Variants in NRG3 observed in about 807,000 individuals in gnomAD.
NRG3 encodes the protein neuregulin 3, also known as pro-neuregulin-3, membrane-bound isoform.
In NRG3, 31 loss-of-function variants were observed where a neutral mutation model predicts 66.9. The ratio of observed to expected loss-of-function variants is 0.46; its 90% confidence interval spans 0.35 to 0.63. The LOEUF (loss-of-function observed/expected upper bound fraction) is 0.63, where lower values mean the gene tolerates loss of function less well. Ranked by LOEUF, NRG3 falls within the 20% of genes least tolerant of loss-of-function variation. The pLI is 0.00. For synonymous variants in NRG3, 393 were observed against 359.4 expected (o/e 1.09, Z -1.06); for missense variants, 910 against 878.9 (o/e 1.04, Z -0.45).
At chr10:81,903,974 GTATATA>G (rs71007284) in intron 1 of NRG3, among the ~76,000 whole-genome samples, 22,488 of 143,374 alleles carry the variant, frequency 0.16, 2,290 homozygotes, top group East Asian at 0.34. Flanking sequence ...TTCAGAGTGT[GTATATA>G]TATATATATA....
intron 3 of NRG3, among the ~76,000 whole-genome samples, chr10:82,768,804 G>A (rs1286464783): frequency 6.6e-6 from 1 of 151,966 alleles, no homozygotes; most frequent in Non-Finnish European, 1.5e-5. Flanking sequence ...CAAGGCTTTT[G>A]ACAGAAAATC....
intron 1 of NRG3, among the ~76,000 whole-genome samples, chr10:82,089,379 A>G (rs1335848214): frequency 3.9e-5 from 6 of 152,124 alleles, no homozygotes; most frequent in African/African-American, 1.4e-4. Context: ...TGCTGGTATG[A>G]GGCAATCTGT....
intron 1 of NRG3, among the ~76,000 whole-genome samples, chr10:81,914,769 C>CAAAAAA (rs58460918): frequency 5.5e-4 from 37 of 67,154 alleles, no homozygotes; most frequent in African/African-American, 9.2e-4. Flanking sequence ...AAACAGAAAG[C>CAAAAAA]AAAAAAAAAA....
chr10:81,983,788 T>C (rs555726515), intron 1 of NRG3, among the ~76,000 whole-genome samples: 1 of 152,298 alleles, frequency 6.6e-6, no homozygotes, highest in South Asian at 2.1e-4. Context: ...TCAATCTCAG[T>C]TTATAACTGT....
chr10:82,185,203 G>A (rs2073722918), intron 1 of NRG3, among the ~76,000 whole-genome samples: 1 of 151,878 alleles, frequency 6.6e-6, no homozygotes, highest in Non-Finnish European at 1.5e-5. Flanking sequence ...GTAATGAAAG[G>A]AAACAAAAGA....
intron 1 of NRG3, among the ~76,000 whole-genome samples, chr10:82,197,752 C>T (rs1440380596): frequency 6.6e-6 from 1 of 152,118 alleles, no homozygotes; most frequent in Non-Finnish European, 1.5e-5. Context: ...TATTCTAGAA[C>T]TTAATTGATT....
At chr10:82,041,013 C>T (rs748353511) in intron 1 of NRG3, among the ~76,000 whole-genome samples, 3 of 152,016 alleles carry the variant, frequency 2.0e-5, no homozygotes, top group Non-Finnish European at 1.5e-5. Context: ...TGCATATCAG[C>T]TGATTTTAGG....
chr10:82,137,763 C>T (rs2069476868), intron 1 of NRG3, among the ~76,000 whole-genome samples: 1 of 152,204 alleles, frequency 6.6e-6, no homozygotes, highest in African/African-American at 2.4e-5. Flanking sequence ...GCCTGAGGCT[C>T]TGCTGAGCAC....
intron 1 of NRG3, among the ~76,000 whole-genome samples, chr10:82,248,484 A>G (rs78153273): frequency 2.0e-5 from 3 of 152,266 alleles, no homozygotes; most frequent in East Asian, 1.9e-4. Context: ...TTCCTGGTCC[A>G]TGACCTCTCC....
rs59452570 is a variant in NRG3 at position 82,400,570 on chromosome 10, C to CTT, written c.953+41716_953+41717dup. 1.7e-3 allele frequency among the ~76,000 whole-genome samples: 232 copies of CTT among 139,888 alleles called. 1 individual carries two copies. Among genetic ancestry groups the CTT allele is most frequent in the African/African-American group, 4.3e-3 (164 of 37,782 alleles). 91.8% of individuals were successfully genotyped at this position (139,888 alleles called of 152,430 possible). A position where few individuals can be genotyped will look rare whatever the true frequency, so the allele number is the denominator to read the frequency against. On this transcript the variant is annotated intron_variant, in intron 2 of 8. Transcript: ENST00000372141. ...CTCGGTCAAGTACATGAGGCAGATT[C>CTT]TTTTTTTTTTTTTTTGAGACAGAGT...
chr10:82,386,072 T>C lies in NRG3; in HGVS notation c.953+27204T>C, dbSNP rs138218309. Among the ~76,000 whole-genome samples, 817 of 152,296 alleles carry C rather than the reference T, an allele frequency of 5.4e-3. 7 individuals carry two copies. Among genetic ancestry groups the C allele is most frequent in the African/African-American group, 0.019 (795 of 41,584 alleles). The stretch of plus-strand genomic sequence containing the variant: ...TTCCATGAGGCTTTTCCATCAAATA[T>C]AAATTTTTATATAGTTTAAGCACAT... On this transcript the variant is annotated intron_variant, in intron 2 of 8. Transcript: ENST00000372141.
At chr10:82,318,132 T>G (rs1194090043) in intron 1 of NRG3, among the ~76,000 whole-genome samples, 1 of 151,976 alleles carries the variant, frequency 6.6e-6, no homozygotes, top group African/African-American at 2.4e-5. Context: ...TGGCAAAAAT[T>G]TAACAGAAAC....
At position 82,936,682 on chromosome 10, in the gene NRG3, T is replaced by G. The variant is rs1390039625; in HGVS notation, c.1055-14787T>G. On this transcript the variant is annotated intron_variant, in intron 4 of 8. Transcript: ENST00000372141. The stretch of plus-strand genomic sequence containing the variant: ...TCAGCTCGATTTAACCATTCCACAA[T>G]GTATATATACTTCAAAACATTGTAC... 3.3e-5 allele frequency among the ~76,000 whole-genome samples: 5 copies of G among 152,216 alleles called. No homozygotes were observed. In the East Asian group the frequency reaches 9.6e-4, roughly 29 times the overall value.
chr10:82,775,520 G>A (rs776405203), intron 3 of NRG3, among the ~76,000 whole-genome samples: 7 of 151,634 alleles, frequency 4.6e-5, no homozygotes, highest in Non-Finnish European at 1.0e-4. Flanking sequence ...CTTGTTTTGT[G>A]GCATATATGG....
intron 6 of NRG3, among the ~76,000 whole-genome samples, chr10:82,968,653 AAGGGAGGCAGGGAGGG>A (rs200429412): frequency 0.014 from 1,327 of 96,398 alleles, 14 homozygotes; most frequent in Non-Finnish European, 0.025. Flanking sequence ...GGAAGGGAGG[AAGGGAGGCAGGGAGGG>A]AGGGAGGCAG....
At chr10:82,959,241 T>A (rs1375918095) in intron 6 of NRG3, among the ~76,000 whole-genome samples, 166 bp downstream of exon 6, 3 of 152,228 alleles carry the variant, frequency 2.0e-5, no homozygotes, top group Non-Finnish European at 2.9e-5. Flanking sequence ...CACATGCATG[T>A]ATGTATGCAT....
intron 1 of NRG3, among the ~76,000 whole-genome samples, chr10:81,955,755 G>T (rs1230058922): frequency 6.6e-6 from 1 of 152,112 alleles, no homozygotes; most frequent in Non-Finnish European, 1.5e-5. Context: ...CTGTTTAGGT[G>T]ATCTCATCAG....
chr10:82,334,519 A>G (rs2082292704), intron 1 of NRG3, among the ~76,000 whole-genome samples: 1 of 152,224 alleles, frequency 6.6e-6, no homozygotes, highest in African/African-American at 2.4e-5. Context: ...TAGGTGAGCA[A>G]AAAGATGGGC....
chr10:82,683,507 A>G (rs1321727709), intron 2 of NRG3, among the ~76,000 whole-genome samples: 2 of 152,202 alleles, frequency 1.3e-5, no homozygotes, highest in Admixed American at 1.3e-4. Flanking sequence ...TTGTCATTAT[A>G]TGTATATATG....
Sources: gnomAD v4.1 joint callset for allele counts (sites outside exome capture counted in the v4.1 genomes callset) on GRCh38, gnomAD v4.1.1 for gene constraint, MANE v1.5 for transcripts, NCBI Gene and HGNC (gene_info 2026-07-23, HGNC 2026-07-21) for gene names.